Variants in CNTN5 observed in about 807,000 individuals in gnomAD.
CNTN5 encodes contactin-5.
A neutral mutation model predicts 129.1 loss-of-function variants in CNTN5; 77 were observed. The ratio of observed to expected loss-of-function variants is 0.60; its 90% CI spans 0.50 to 0.72. The LOEUF (loss-of-function observed/expected upper bound fraction) is 0.72, where lower values mean the gene tolerates loss of function less well. Ranked by LOEUF, CNTN5 falls within the 30% of genes least tolerant of loss-of-function variation. CNTN5 has a pLI of 0.00. For synonymous variants in CNTN5, 509 were observed against 465.6 expected (o/e 1.09, Z -1.20); for missense variants, 1,478 against 1,328.8 (o/e 1.11, Z -1.75).
rs140107011 is a variant in CNTN5 at position 99,114,771 on chromosome 11, T to C, written c.-210+93501T>C. ...GTCAAGCATCTTCTGTGTGTATATA[T>C]GTGCAAGACCCTATATGAGAGGTTG... is the stretch of plus-strand genomic sequence containing the variant. On this transcript the variant is annotated intron_variant, in intron 1 of 24. Coordinates refer to ENST00000524871, the MANE Select transcript of CNTN5 (RefSeq NM_014361.4). Among the ~76,000 whole-genome samples the C allele has an allele frequency of 3.5e-3, 534 of 152,308 alleles. 1 individual carries two copies. Among genetic ancestry groups the C allele is most frequent in the Admixed American group, 0.011 (173 of 15,286 alleles).
At chr11:99,244,021 A>T (rs1861697071) in intron 1 of CNTN5, among the ~76,000 whole-genome samples, 2 of 152,116 alleles carry the variant, frequency 1.3e-5, no homozygotes, top group Non-Finnish European at 2.9e-5. Flanking sequence ...GTAGTTTGAT[A>T]GGAATATCAT....
chr11:99,364,524 T>C (rs928364200), intron 2 of CNTN5, among the ~76,000 whole-genome samples: 1 of 152,098 alleles, frequency 6.6e-6, no homozygotes, highest in Non-Finnish European at 1.5e-5. Flanking sequence ...TAAAGAGATA[T>C]GAGCAAGACC....
At chr11:99,601,265 CA>C (rs1591344990) in intron 3 of CNTN5, among the ~76,000 whole-genome samples, 2 of 152,124 alleles carry the variant, frequency 1.3e-5, no homozygotes, top group African/African-American at 4.8e-5. Flanking sequence ...TTTATAACCT[CA>C]AAAAATATAG....
chr11:99,805,335 C>A (rs2135495779), intron 3 of CNTN5, among the ~76,000 whole-genome samples: 1 of 152,130 alleles, frequency 6.6e-6, no homozygotes, highest in Admixed American at 6.6e-5. Flanking sequence ...GGTGTTTCAC[C>A]TAGGCAATTA....
At chr11:99,600,288 C>A (rs535602329) in intron 3 of CNTN5, among the ~76,000 whole-genome samples, 1 of 152,154 alleles carries the variant, frequency 6.6e-6, no homozygotes, top group East Asian at 1.9e-4. Flanking sequence ...ACCTAGTAAC[C>A]AATTACTTGC....
intron 1 of CNTN5, among the ~76,000 whole-genome samples, chr11:99,073,646 G>A (rs561876594): frequency 5.9e-5 from 9 of 151,962 alleles, no homozygotes; most frequent in Admixed American, 2.6e-4. Context: ...GAAAACACGC[G>A]GTGTTTGGTT....
chr11:99,564,614 A>C (rs1948945355), intron 3 of CNTN5, among the ~76,000 whole-genome samples: 1 of 152,226 alleles, frequency 6.6e-6, no homozygotes, highest in African/African-American at 2.4e-5. Context: ...AGAATATGTG[A>C]AATCATTTGA....
chr11:100,193,634 G>A lies in CNTN5; in HGVS notation c.1855G>A (p.Glu619Lys). The A allele has an allele frequency of 6.2e-7, 1 of 1,611,888 alleles. No homozygotes were observed. The highest frequency in any genetic ancestry group is 8.5e-7 in the Non-Finnish European group (1 of 1,178,756). ...LKGQPIDFEEEGGHFESIRAQ... is the reference protein window; with the variant it reads ...LKGQPIDFEEKGGHFESIRAQ... ...AGGACAGCCTATTGATTTCGAGGAA[G>A]AGGGTGGACATTTTGAAAGCATCAG... The change falls in exon 15 of 25, where the codon GAG (glutamate) becomes AAG (lysine). Residue 619 changes from glutamate (E) to lysine (K), a missense_variant. Transcript: ENST00000524871.
chr11:99,226,226 T>C (rs1191173129), intron 1 of CNTN5, among the ~76,000 whole-genome samples: 5 of 152,218 alleles, frequency 3.3e-5, no homozygotes, highest in African/African-American at 1.2e-4. Context: ...ATTTTAGTCT[T>C]AAATGTGAAA....
intron 1 of CNTN5, among the ~76,000 whole-genome samples, chr11:99,248,009 C>G (rs575327428): frequency 6.6e-6 from 1 of 152,130 alleles, no homozygotes; most frequent in East Asian, 1.9e-4. Flanking sequence ...ATGGTATTTC[C>G]AGTTCTAGAT....
chr11:100,346,907 G>A (rs1241355009), intron 23 of CNTN5, among the ~76,000 whole-genome samples: 5 of 152,114 alleles, frequency 3.3e-5, no homozygotes, highest in Non-Finnish European at 4.4e-5. Flanking sequence ...TGAAAGGAAC[G>A]TCTCACATGG....
intron 3 of CNTN5, among the ~76,000 whole-genome samples, chr11:99,780,045 A>G (rs1451478145): frequency 6.6e-6 from 1 of 152,010 alleles, no homozygotes; most frequent in Admixed American, 6.6e-5. Context: ...GCATAGAAGG[A>G]GTCTGGACAT....
intron 16 of CNTN5, among the ~76,000 whole-genome samples, chr11:100,230,147 ATAAT>A (rs1565357810): frequency 1.3e-5 from 2 of 152,202 alleles, no homozygotes; most frequent in South Asian, 4.1e-4. Context: ...TTCAGCTAAC[ATAAT>A]TATTTTTCAA....
At chr11:99,643,603 G>A (rs1215917473) in intron 3 of CNTN5, among the ~76,000 whole-genome samples, 4 of 152,056 alleles carry the variant, frequency 2.6e-5, no homozygotes, top group Admixed American at 1.3e-4. Flanking sequence ...AGATTGCCAA[G>A]ACATATTAAT....
chr11:99,150,077 C>T (rs2135485414), intron 1 of CNTN5, among the ~76,000 whole-genome samples: 1 of 152,010 alleles, frequency 6.6e-6, no homozygotes, highest in East Asian at 1.9e-4. Flanking sequence ...TTTTGAATGT[C>T]CATGTTTTAA....
At chr11:99,940,651 C>T (rs1408828253) in intron 7 of CNTN5, among the ~76,000 whole-genome samples, 1 of 152,058 alleles carries the variant, frequency 6.6e-6, no homozygotes, top group Non-Finnish European at 1.5e-5. Context: ...TGAGACAGTT[C>T]TTGTCCACTT....
In CNTN5 at chr11:100,116,961, T is replaced by C. The variant is rs146389594; in HGVS notation, c.1580+42667T>C. Among the ~76,000 whole-genome samples the C allele has an allele frequency of 6.6e-5, 10 of 152,078 alleles. No individual in the cohort carries two copies. The East Asian group carries it at 1.9e-3, about 29-fold the overall frequency. ...CTTGAAAGAACATCACAGGTAGGAG[T>C]TGAAGAAATTCTCAGCTTCTCTGAT... On this transcript the variant is annotated intron_variant, in intron 13 of 24. Transcript: ENST00000524871.
At chr11:100,212,393 C>A (rs1450431440) in intron 15 of CNTN5, among the ~76,000 whole-genome samples, 1 of 152,092 alleles carries the variant, frequency 6.6e-6, no homozygotes, top group South Asian at 2.1e-4. Context: ...ACATCTGTAT[C>A]TTTGTATATC....
intron 1 of CNTN5, among the ~76,000 whole-genome samples, chr11:99,293,208 G>C (rs554734656): frequency 6.6e-6 from 1 of 152,174 alleles, no homozygotes; most frequent in South Asian, 2.1e-4. Flanking sequence ...CCTTGATTCT[G>C]TTAATGTGAT....
Sources: gnomAD v4.1 joint callset for allele counts (sites outside exome capture counted in the v4.1 genomes callset) on GRCh38, gnomAD v4.1.1 for gene constraint, MANE v1.5 for transcripts, NCBI Gene and HGNC (gene_info 2026-07-23, HGNC 2026-07-21) for gene names.